FNBP1L: variants seen among roughly 807,000 people sequenced by gnomAD.
FNBP1L encodes the protein formin-binding protein 1-like.
A neutral mutation model predicts 91.2 loss-of-function variants in FNBP1L; 36 were observed. The observed-to-expected ratio is 0.39, with a 90% CI of 0.30 to 0.52. FNBP1L has a LOEUF of 0.52. Among genes scored for constraint, FNBP1L ranks in the 20% least tolerant of loss-of-function variants. The pLI is 0.66. For missense variants in FNBP1L, 571 were observed against 732.1 expected, an observed-to-expected ratio of 0.78 and a Z score of 2.54; for synonymous variants, 242 against 237.0, an observed-to-expected ratio of 1.02 and a Z score of -0.19.
intron 1 of FNBP1L, among the ~76,000 whole-genome samples, chr1:93,492,624 A>C (rs1381955202): frequency 6.6e-6 from 1 of 151,782 alleles, no homozygotes; most frequent in African/African-American, 2.4e-5. Flanking sequence ...CAAGTGGGAG[A>C]ATTGCTTGAG....
chr1:93,524,360 T>C, intron 5 of FNBP1L, 37 bp downstream of exon 5: 1 of 1,410,830 alleles, frequency 7.1e-7, no homozygotes, highest in Non-Finnish European at 9.4e-7. Flanking sequence ...CATAAAATCT[T>C]GTAGACTAGA....
intron 1 of FNBP1L, among the ~76,000 whole-genome samples, chr1:93,486,327 T>C (rs1669901859): frequency 6.6e-6 from 1 of 152,194 alleles, no homozygotes; most frequent in Non-Finnish European, 1.5e-5. Flanking sequence ...CACTTGCATG[T>C]TGAGATGTGC....
chr1:93,464,648 A>G (rs1243327626), intron 1 of FNBP1L, among the ~76,000 whole-genome samples: 1 of 152,126 alleles, frequency 6.6e-6, no homozygotes, highest in Non-Finnish European at 1.5e-5. Flanking sequence ...GTTCTTTTCC[A>G]AACAGTCAAT....
At chr1:93,490,847 G>T (rs61215181) in intron 1 of FNBP1L, among the ~76,000 whole-genome samples, 4,301 of 152,308 alleles carry the variant, frequency 0.028, 208 homozygotes, top group African/African-American at 0.097. Flanking sequence ...GAGCCAGGAG[G>T]ATGTATGATC....
rs140638671 is a variant in FNBP1L, at chr1:93,509,779, C to T, written c.140+10196C>T. ...GCACCGTGCACGAGCCCTGCTTGGG[C>T]GAGGCATTGCCTCACTCGGGAAGCG... On this transcript the variant is annotated intron_variant, in intron 2 of 16. Transcript: ENST00000271234. Among the ~76,000 whole-genome samples, 562 of 152,322 alleles carry T rather than the reference C, an allele frequency of 3.7e-3. 2 individuals are homozygous for T. The highest frequency in any genetic ancestry group is 0.014 in the Middle Eastern group (4 of 294).
At chr1:93,533,803 G>T (rs1242224316) in intron 8 of FNBP1L, among the ~76,000 whole-genome samples, 1 of 152,076 alleles carries the variant, frequency 6.6e-6, no homozygotes, top group East Asian at 1.9e-4. Context: ...AGCATGGCTG[G>T]ATACAAGTTT....
intron 1 of FNBP1L, among the ~76,000 whole-genome samples, chr1:93,498,622 T>C (rs1374373083): frequency 2.6e-5 from 4 of 152,190 alleles, no homozygotes; most frequent in African/African-American, 9.7e-5. Context: ...TTTTTCAGCA[T>C]TGCAGACTTG....
intron 1 of FNBP1L, among the ~76,000 whole-genome samples, chr1:93,483,013 G>A (rs1260712805): frequency 4.3e-5 from 6 of 139,686 alleles, no homozygotes; most frequent in African/African-American, 8.2e-5. Context: ...GCAAGACTCC[G>A]TCTAAAAAAA....
intron 1 of FNBP1L, among the ~76,000 whole-genome samples, chr1:93,485,469 G>A: frequency 6.6e-6 from 1 of 152,130 alleles, no homozygotes; most frequent in Admixed American, 6.6e-5. Context: ...ATGAAGTTCA[G>A]TCATACAAAG....
At chr1:93,542,002 CAAAA>C (rs558664532) in intron 11 of FNBP1L, among the ~76,000 whole-genome samples, 3 of 149,550 alleles carry the variant, frequency 2.0e-5, no homozygotes, top group African/African-American at 7.4e-5. Flanking sequence ...ATTTTGACAA[CAAAA>C]AAAAACTCCA....
intron 1 of FNBP1L, among the ~76,000 whole-genome samples, chr1:93,491,025 A>T (rs2101717134): frequency 6.6e-6 from 1 of 151,260 alleles, no homozygotes; most frequent in South Asian, 2.1e-4. Context: ...CTGCAGCCTC[A>T]ACCTCCCAGG....
chr1:93,544,948 CTT>C (rs1213767373), intron 12 of FNBP1L, among the ~76,000 whole-genome samples: 1 of 152,076 alleles, frequency 6.6e-6, no homozygotes, highest in Non-Finnish European at 1.5e-5. Context: ...AAACATTGCT[CTT>C]AGGGAGATAC....
intron 2 of FNBP1L, among the ~76,000 whole-genome samples, chr1:93,515,787 A>G (rs1255995135): frequency 6.6e-6 from 1 of 150,380 alleles, no homozygotes; most frequent in Non-Finnish European, 1.5e-5. Context: ...AGGGGGAGGT[A>G]TAGCATTGGG....
intron 1 of FNBP1L, among the ~76,000 whole-genome samples, chr1:93,494,083 C>T (rs1400742253): frequency 6.6e-6 from 1 of 152,122 alleles, no homozygotes; most frequent in Non-Finnish European, 1.5e-5. Context: ...AATTGCAGGT[C>T]CTGGACTTCT....
chr1:93,480,188 A>C (rs1669646955), intron 1 of FNBP1L, among the ~76,000 whole-genome samples: 1 of 152,172 alleles, frequency 6.6e-6, no homozygotes, highest in Non-Finnish European at 1.5e-5. Flanking sequence ...TCTTCATTTT[A>C]TGATTTTACT....
chr1:93,518,258 A>G (rs1297534059), intron 2 of FNBP1L, among the ~76,000 whole-genome samples: 1 of 152,194 alleles, frequency 6.6e-6, no homozygotes, highest in African/African-American at 2.4e-5. Context: ...TGGAAACGGC[A>G]TTCTAGAGCT....
At chr1:93,473,901 A>G (rs1482095137) in intron 1 of FNBP1L, among the ~76,000 whole-genome samples, 3 of 152,168 alleles carry the variant, frequency 2.0e-5, no homozygotes, top group African/African-American at 7.2e-5. Context: ...GTAGGCAGAA[A>G]GGGCTGCGTG....
intron 2 of FNBP1L, among the ~76,000 whole-genome samples, chr1:93,513,858 A>C (rs139065295): frequency 6.6e-6 from 1 of 151,856 alleles, no homozygotes; most frequent in Admixed American, 6.6e-5. Flanking sequence ...GAAAACTGGC[A>C]CAAGACAGGG....
At chr1:93,527,920 T>A (rs1266292558) in intron 5 of FNBP1L, among the ~76,000 whole-genome samples, 4 of 151,558 alleles carry the variant, frequency 2.6e-5, no homozygotes, top group Non-Finnish European at 5.9e-5. Flanking sequence ...TTTACATCCA[T>A]GAAATAAGGT....
Sources: gnomAD v4.1 joint callset for allele counts (sites outside exome capture counted in the v4.1 genomes callset) on GRCh38, gnomAD v4.1.1 for gene constraint, MANE v1.5 for transcripts, NCBI Gene and HGNC (gene_info 2026-07-23, HGNC 2026-07-21) for gene names.